The following USP10 variants were observed in gnomAD, a reference collection of about 807,000 sequenced individuals.
The protein encoded by USP10 is ubiquitin carboxyl-terminal hydrolase 10.
In USP10, 22 loss-of-function variants were observed where a neutral mutation model predicts 84.5. The ratio of observed to expected loss-of-function variants is 0.26; its 90% CI spans 0.19 to 0.37. USP10 has a LOEUF of 0.37. Ranked by LOEUF, USP10 falls within the 10% of genes least tolerant of loss-of-function variation. The pLI is 1.00. For synonymous variants in USP10, 454 were observed against 387.6 expected (o/e 1.17, Z -2.01); for missense variants, 1,019 against 998.9 (o/e 1.02, Z -0.27).
At chr16:84,727,984 G>T (rs8063704) in intron 1 of USP10, among the ~76,000 whole-genome samples, 3 of 152,180 alleles carry the variant, frequency 2.0e-5, no homozygotes, top group Non-Finnish European at 4.4e-5. Flanking sequence ...AATGTATTTA[G>T]TTATCATGTC....
chr16:84,762,528 T>C (rs1913322950), intron 8 of USP10, among the ~76,000 whole-genome samples: 2 of 151,924 alleles, frequency 1.3e-5, no homozygotes, highest in South Asian at 4.2e-4. Flanking sequence ...CCGTCTCTAC[T>C]AAAAATACAA....
At chr16:84,725,274 C>A (rs1195426590) in intron 1 of USP10, among the ~76,000 whole-genome samples, 1 of 152,216 alleles carries the variant, frequency 6.6e-6, no homozygotes, top group Non-Finnish European at 1.5e-5. Context: ...CTTGGCATTT[C>A]ATATGAATGG....
At chr16:84,733,997 T>G (rs1263116111) in intron 2 of USP10, among the ~76,000 whole-genome samples, 5 of 152,234 alleles carry the variant, frequency 3.3e-5, no homozygotes. Context: ...TACCACTGAT[T>G]GAACACACTG....
intron 2 of USP10, among the ~76,000 whole-genome samples, chr16:84,736,105 A>G (rs1025848950): frequency 7.8e-6 from 1 of 128,420 alleles, no homozygotes; most frequent in Non-Finnish European, 1.6e-5. Flanking sequence ...TGGCGAGGGG[A>G]GGGCGTGTCA....
intron 12 of USP10, among the ~76,000 whole-genome samples, chr16:84,773,547 CAG>C (rs1567653790): frequency 6.6e-6 from 1 of 152,166 alleles, no homozygotes; most frequent in Non-Finnish European, 1.5e-5. Context: ...CGTGAAGACT[CAG>C]ACACTGTCTC....
intron 1 of USP10, among the ~76,000 whole-genome samples, chr16:84,702,729 G>A (rs1011996345): frequency 4.6e-5 from 7 of 152,068 alleles, no homozygotes; most frequent in East Asian, 1.9e-4. Flanking sequence ...GCGGTGGCTC[G>A]TGCCTGTAAT....
chr16:84,760,329 T>G lies in USP10; in HGVS notation c.1554+54T>G, dbSNP rs188672888. On this transcript the variant is annotated intron_variant, in intron 8 of 13. Transcript: ENST00000219473. ...TCAAGTGTTGCCTTTTGTTCCAGTG[T>G]TTGTGTGGTAACTGTTGCTTATTGA... is the stretch of plus-strand genomic sequence containing the variant. 2.0e-6 allele frequency: 3 copies of G among 1,476,740 alleles called. No homozygotes were observed. In the African/African-American group the frequency reaches 4.2e-5, roughly 21 times the overall value. 91.5% of individuals were successfully genotyped at this position (1,476,740 alleles called of 1,614,324 possible).
At chr16:84,768,444 G>T in intron 11 of USP10, 86 bp downstream of exon 11, 1 of 1,323,558 alleles carries the variant, frequency 7.6e-7, no homozygotes, top group Non-Finnish European at 1.0e-6. Context: ...AGGGGAAATG[G>T]GTTTGAGTTA....
rs1912692152 is a variant in USP10, at chr16:84,757,399, GGGGGTGTGTGTGTGTGT to G, written c.1193-1315_1193-1299del. ...ATAGGAAGGAGGGAATGAGAGGGGT[GGGGGTGTGTGTGTGTGT>G]GTGTGTGTGTGTGTGTGTGTGTGTG... On this transcript the variant is annotated intron_variant, in intron 4 of 13. Transcript: ENST00000219473. Among the ~76,000 whole-genome samples the G allele has an allele frequency of 2.1e-4, 15 of 70,524 alleles. No homozygotes were observed. The East Asian group carries it at 2.5e-3, about 12-fold the overall frequency. 46.3% of individuals were successfully genotyped at this position (70,524 alleles called of 152,430 possible). A position where few individuals can be genotyped will look rare whatever the true frequency, so the allele number is the denominator to read the frequency against.
chr16:84,757,400 GGGGTGTGTGTGTGTGTGT>G (rs1483369081), intron 4 of USP10, among the ~76,000 whole-genome samples: 5 of 61,216 alleles, frequency 8.2e-5, no homozygotes, highest in African/African-American at 1.2e-4. Flanking sequence ...GAGAGGGGTG[GGGGTGTGTGTGTGTGTGT>G]GTGTGTGTGT....
At chr16:84,768,085 A>C in intron 10 of USP10, 108 bp from the exon 11 acceptor site, 7 of 1,251,656 alleles carry the variant, frequency 5.6e-6, no homozygotes. Flanking sequence ...GTCTTTTGAA[A>C]GTGATATTGA....
intron 1 of USP10, among the ~76,000 whole-genome samples, chr16:84,700,705 A>G (rs1189689000): frequency 6.6e-6 from 1 of 152,196 alleles, no homozygotes; most frequent in African/African-American, 2.4e-5. Flanking sequence ...ATAAGTCGCA[A>G]GGACCGTACT....
chr16:84,706,302 G>C (rs1049409523), intron 1 of USP10, among the ~76,000 whole-genome samples: 8 of 152,000 alleles, frequency 5.3e-5, no homozygotes, highest in Non-Finnish European at 1.0e-4. Flanking sequence ...CGAGATTCCT[G>C]CCCAATATAA....
chr16:84,759,874 T>C lies in USP10; in HGVS notation c.1395-17T>C. The C allele has an allele frequency of 6.2e-7, 1 of 1,613,478 alleles. No homozygotes were observed. The highest frequency in any genetic ancestry group is 8.5e-7 in the Non-Finnish European group (1 of 1,179,592). ...TGTTTAAAACTGCACTATTTAACAT[T>C]TTTTCCCCATGTTTAGTGTTCGGCT... On this transcript the variant is annotated splice_polypyrimidine_tract_variant and intron_variant, in intron 6 of 13. Coordinates refer to ENST00000219473, the MANE Select transcript of USP10 (RefSeq NM_005153.3).
chr16:84,754,275 G>GAAT (rs1912265079), intron 4 of USP10, among the ~76,000 whole-genome samples: 1 of 152,094 alleles, frequency 6.6e-6, no homozygotes, highest in African/African-American at 2.4e-5. Flanking sequence ...TTTAGTTTAT[G>GAAT]AAAGACTTGC....
At chr16:84,719,674 T>C (rs115861686) in intron 1 of USP10, among the ~76,000 whole-genome samples, 1 of 152,230 alleles carries the variant, frequency 6.6e-6, no homozygotes. Flanking sequence ...TCTCTTCTAG[T>C]GTATGTAGGT....
chr16:84,707,216 A>C (rs1167351803), intron 1 of USP10, among the ~76,000 whole-genome samples: 2 of 152,218 alleles, frequency 1.3e-5, no homozygotes, highest in Non-Finnish European at 2.9e-5. Flanking sequence ...AATCTTTCAC[A>C]CTGTGACTTC....
At chr16:84,774,340 C>T (rs192513149) in intron 12 of USP10, among the ~76,000 whole-genome samples, 17 of 152,278 alleles carry the variant, frequency 1.1e-4, no homozygotes, top group South Asian at 1.0e-3. Flanking sequence ...ATGCCTCCGA[C>T]GGACTCTTGT....
In USP10 at chr16:84,745,205, C is replaced by T. The variant is rs547792983; in HGVS notation, c.724C>T (p.Pro242Ser). The T allele has an allele frequency of 6.2e-7, 1 of 1,613,218 alleles. No homozygotes were observed. ...LGSDTRTAGQ[P>S]EGGPGADFGQ... ...CAGTGACACCAGGACTGCAGGGCAG[C>T]CAGAGGGGGGCCCCGGGGCTGATTT... The change falls in exon 4 of 14, where the codon CCA becomes TCA. Residue 242 changes from proline (P) to serine (S), a missense_variant. Coordinates refer to ENST00000219473, the MANE Select transcript of USP10 (RefSeq NM_005153.3).
Sources: allele counts gnomAD v4.1 joint callset (sites outside exome capture counted in the v4.1 genomes callset), GRCh38; gene constraint gnomAD v4.1.1; transcripts MANE v1.5; gene names NCBI Gene and HGNC (gene_info 2026-07-23, HGNC 2026-07-21).